Variants in CACNA1A observed in about 807,000 individuals in gnomAD.
CACNA1A encodes the protein voltage-dependent P/Q-type calcium channel subunit alpha-1A.
A neutral mutation model predicts 262.4 loss-of-function variants in CACNA1A; 57 were observed. The ratio of observed to expected loss-of-function variants is 0.22; its 90% CI spans 0.18 to 0.27. The LOEUF is 0.27. Among genes scored for constraint, CACNA1A ranks in the 10% least tolerant of loss-of-function variants. The pLI, the probability that CACNA1A is intolerant of heterozygous loss-of-function variation, is 1.00. For missense variants in CACNA1A, 2,526 were observed against 3,562.8 expected (o/e 0.71, Z 7.41); for synonymous variants, 1,431 against 1,419.3 (o/e 1.01, Z -0.18).
At chr19:13,225,061 C>T (rs959274315) in intron 37 of CACNA1A, 2 of 324,218 alleles carry the variant, frequency 6.2e-6, no homozygotes, top group Non-Finnish European at 1.2e-5. Flanking sequence ...CCTTGCCCCA[C>T]CCCCGCCCTG....
intron 3 of CACNA1A, among the ~76,000 whole-genome samples, chr19:13,444,932 C>G (rs1985943): frequency 0.38 from 57,360 of 151,644 alleles, 14,729 homozygotes; most frequent in African/African-American, 0.72. Flanking sequence ...GAGGGCAGGA[C>G]TTGGAGACTA....
Position 13,298,547 on chromosome 19 carries a change from CTCCTCCGAT to C in CACNA1A, c.3077_3085del (p.His1026_Arg1028del). Reference sequence around the variant, plus strand: ...ATTCGAGGTCACCTCCACTTACTTCCTCCTCCGATGCCTCCGCTCCTTGTCCTCCCTCCG... The same window carrying C: ...ATTCGAGGTCACCTCCACTTACTTCCGCCTCCGCTCCTTGTCCTCCCTCCG... On this transcript the variant is annotated inframe_deletion, in exon 19 of 47. Transcript: ENST00000360228. 6.5e-7 allele frequency: 1 copy of C among 1,542,316 alleles called. No homozygotes were observed. Among genetic ancestry groups the C allele is most frequent in the Non-Finnish European group, 8.8e-7 (1 of 1,142,328 alleles).
chr19:13,484,577 A>G (rs1247494013), intron 1 of CACNA1A, among the ~76,000 whole-genome samples: 1 of 152,208 alleles, frequency 6.6e-6, no homozygotes, highest in Non-Finnish European at 1.5e-5. Context: ...TGAATGAGTG[A>G]AATCATTTCC....
At chr19:13,396,945 T>A (rs117525087) in intron 3 of CACNA1A, among the ~76,000 whole-genome samples, 6 of 152,230 alleles carry the variant, frequency 3.9e-5, no homozygotes, top group African/African-American at 1.4e-4. Context: ...TGCACAGCTC[T>A]GCCTCCACTG....
chr19:13,335,734 A>C (rs2058553695), intron 7 of CACNA1A, 72 bp downstream of exon 7: 1 of 976,004 alleles, frequency 1.0e-6, no homozygotes, highest in Admixed American at 2.0e-5. Context: ...ACAAAGCTTC[A>C]ATGGCCTCTA....
At chr19:13,382,926 CA>C (rs2059547652) in intron 3 of CACNA1A, among the ~76,000 whole-genome samples, 1 of 152,194 alleles carries the variant, frequency 6.6e-6, no homozygotes, top group African/African-American at 2.4e-5. Flanking sequence ...GTTAATCCCA[CA>C]TGGAGGTTCC....
rs748418783 is a variant in CACNA1A, at chr19:13,298,709, C to A, written c.2924G>T (p.Arg975Leu). The A allele has an allele frequency of 1.5e-5, 22 of 1,466,374 alleles. No individual in the cohort carries two copies. In the Middle Eastern group the frequency reaches 5.7e-4, roughly 38 times the overall value. The allele number at this position is 1,466,374 out of a possible 1,614,324, so 90.8% of individuals were successfully genotyped here. A position where few individuals can be genotyped will look rare whatever the true frequency, so the allele number is the denominator to read the frequency against. ...GCTGCCCTCGCGGTGCCGCGCCCTC[C>A]GCTCCGCCTTGTCCTCCGGACCCTC... Reference protein sequence around the residue: ...GEEGPEDKAERRARHREGSRP... With the variant: ...GEEGPEDKAELRARHREGSRP... Residue 975 changes from arginine to leucine, a missense_variant, in exon 19 of 47, where the codon CGG (arginine) becomes CTG (leucine). Arg to Leu is a moderately radical substitution (Grantham distance 102). This residue lies in a region of CACNA1A where 765 missense variants were observed against 748.6 expected (regional missense o/e 1.02). Transcript: ENST00000360228.
chr19:13,212,103 C>T lies in CACNA1A; in HGVS notation c.6303G>A (p.Gln2101=). The stretch of plus-strand genomic sequence containing the variant: ...CCAGGGCAGTGGTGAAAGCCCTCAC[C>T]TGGTTCTCTGCAGGGAGGCGGGGCA... ...ASMPRLPAEN[Q]RRRGRPRGNN... is the part of the protein sequence containing the mutation. Residue 2101 remains glutamine (Q), a splice_region_variant and synonymous_variant, in exon 43 of 47, where the codon CAG becomes CAA. Coordinates refer to ENST00000360228, the MANE Select transcript of CACNA1A (RefSeq NM_001127222.2). This position sits in a 1 kb window ranked among gnomAD's most constrained non-coding sequence, Gnocchi z 5.6. The T allele has an allele frequency of 6.2e-7, 1 of 1,608,110 alleles. No individual in the cohort carries two copies. Among genetic ancestry groups the T allele is most frequent in the Non-Finnish European group, 8.5e-7 (1 of 1,175,654 alleles).
chr19:13,288,917 G>A (rs953730569), intron 19 of CACNA1A, among the ~76,000 whole-genome samples: 1 of 152,164 alleles, frequency 6.6e-6, no homozygotes, highest in African/African-American at 2.4e-5. Flanking sequence ...TTTAGTAAGT[G>A]GAAGAGAGAC....
intron 17 of CACNA1A, among the ~76,000 whole-genome samples, chr19:13,302,337 G>A (rs1444917133): frequency 2.0e-5 from 3 of 152,116 alleles, no homozygotes; most frequent in Non-Finnish European, 4.4e-5. Context: ...CTCCACGGAG[G>A]CAGGGATTTT....
At position 13,403,882 on chromosome 19, in the gene CACNA1A, T is replaced by G. The variant is rs530538413; in HGVS notation, c.540-32103A>C. On this transcript the variant is annotated intron_variant, in intron 3 of 46. Transcript: ENST00000360228. ...CTGAGGTGGGAGGATAGCTTGAACC[T>G]GGAGGTTGAGGTTGTAATGAGCCGT... 4.6e-5 allele frequency among the ~76,000 whole-genome samples: 7 copies of G among 152,192 alleles called. No homozygotes were observed. The East Asian group carries it at 1.4e-3, about 29-fold the overall frequency.
At chr19:13,365,176 C>G (rs539561285) in intron 5 of CACNA1A, 141 bp downstream of exon 5, 1 of 641,608 alleles carries the variant, frequency 1.6e-6, no homozygotes, top group East Asian at 2.6e-5. Flanking sequence ...CTATTTCACT[C>G]ACTGCCTCTC....
intron 40 of CACNA1A, chr19:13,213,672 CTTTTTTTTTT>C (rs3050829): frequency 0.27 from 24,058 of 88,070 alleles, 3,080 homozygotes; most frequent in East Asian, 0.64. Flanking sequence ...TTGGCAAGAA[CTTTTTTTTTT>C]TTTTTTTTTT....
intron 20 of CACNA1A, 83 bp from the exon 21 acceptor site, chr19:13,285,289 CAAG>C: frequency 6.6e-7 from 1 of 1,511,050 alleles, no homozygotes; most frequent in South Asian, 1.2e-5. Flanking sequence ...CCAGGGCAGG[CAAG>C]AAGCGGCTGA....
Position 13,241,539 on chromosome 19 carries a change from G to T in CACNA1A, c.4950+3643C>A. 1 of 606,792 alleles carries T rather than the reference G, an allele frequency of 1.6e-6. No homozygotes were observed. Among genetic ancestry groups the T allele is most frequent in the Non-Finnish European group, 2.7e-6 (1 of 365,840 alleles). 37.6% of individuals were successfully genotyped at this position (606,792 alleles called of 1,614,324 possible). ...GACCAACCGGATTCTAGATGCAGAT[G>T]TTGAAGATGAGGGGGAGCGGGCGGG... On this transcript the variant is annotated intron_variant, in intron 31 of 46. Coordinates refer to ENST00000360228, the MANE Select transcript of CACNA1A (RefSeq NM_001127222.2). This position sits in a 1 kb window ranked among gnomAD's most constrained non-coding sequence, Gnocchi z 4.0.
chr19:13,494,253 T>A (rs1289381054), intron 1 of CACNA1A, among the ~76,000 whole-genome samples: 1 of 152,244 alleles, frequency 6.6e-6, no homozygotes, highest in Non-Finnish European at 1.5e-5. Context: ...AGAGATTTTT[T>A]TGTGGATGAG....
Position 13,231,821 on chromosome 19 carries a change from G to C in CACNA1A, c.5289C>G (p.Ser1763=). 6.2e-7 allele frequency: 1 copy of C among 1,613,808 alleles called. No individual in the cohort carries two copies. The highest frequency in any genetic ancestry group is 8.5e-7 in the Non-Finnish European group (1 of 1,179,744). ...TATCACACGGTTTCCCGCTGAGGCA[G>C]GAAAGCATGATGTTGTGCCAAGCTT... ...TGEAWHNIML[S]CLSGKPCDKN... Residue 1763 remains serine, a synonymous_variant, in exon 35 of 47, where the codon TCC becomes TCG. Transcript: ENST00000360228.
chr19:13,341,196 T>C (rs2058670442), intron 6 of CACNA1A, among the ~76,000 whole-genome samples: 1 of 152,098 alleles, frequency 6.6e-6, no homozygotes. Context: ...ATCAGGGTGA[T>C]ACGTCTACAA....
intron 3 of CACNA1A, among the ~76,000 whole-genome samples, chr19:13,412,769 G>A (rs759915229): frequency 1.1e-4 from 17 of 152,158 alleles, no homozygotes; most frequent in Admixed American, 3.3e-4. Context: ...TAGCCACTGC[G>A]CCCAGCTACA....
Sources: gnomAD v4.1 joint callset for allele counts (sites outside exome capture counted in the v4.1 genomes callset) on GRCh38, gnomAD v4.1.1 for gene constraint, gnomAD v4.1.1 regional missense constraint, Gnocchi (gnomAD v3.1) non-coding constraint, MANE v1.5 for transcripts, NCBI Gene and HGNC (gene_info 2026-07-23, HGNC 2026-07-21) for gene names.